Variants in ATG7 observed in about 807,000 individuals in gnomAD.
ATG7 encodes the protein ubiquitin-like modifier-activating enzyme ATG7.
ATG7 carries 70 observed loss-of-function variants against 82.4 expected under a neutral mutation model. The observed-to-expected ratio is 0.85, with a 90% confidence interval of 0.70 to 1.04. The LOEUF (loss-of-function observed/expected upper bound fraction) is 1.04, where lower values mean the gene tolerates loss of function less well. Among genes scored for constraint, ATG7 ranks in the 50% least tolerant of loss-of-function variants. ATG7 has a pLI of 0.00. For synonymous variants in ATG7, 287 were observed against 313.0 expected (o/e 0.92, Z 0.88); for missense variants, 792 against 864.3 (o/e 0.92, Z 1.05).
intron 19 of ATG7, among the ~76,000 whole-genome samples, chr3:11,393,838 A>G (rs1386255462): frequency 6.6e-6 from 1 of 152,036 alleles, no homozygotes; most frequent in Non-Finnish European, 1.5e-5. Context: ...ATGCCACCAC[A>G]CCAGGCTAAT....
Position 11,335,017 on chromosome 3 carries a change from G to A in ATG7, c.889+1924G>A, listed in dbSNP as rs965693860. On this transcript the variant is annotated intron_variant, in intron 11 of 20. Transcript: ENST00000693202. ...CTTTTCTAGAGTGCTACAGTCAGAA[G>A]GATTCAGGATTGGCCCACATGACAT... Among the ~76,000 whole-genome samples the A allele has an allele frequency of 4.6e-5, 7 of 151,366 alleles. No individual in the cohort carries two copies. The South Asian group carries it at 8.4e-4, about 18-fold the overall frequency.
intron 10 of ATG7, 34 bp from the exon 11 acceptor site, chr3:11,332,935 AAAT>A: frequency 1.4e-6 from 2 of 1,405,790 alleles, no homozygotes; most frequent in African/African-American, 1.5e-5. Context: ...CTTTAAAAAA[AAAT>A]AATAAATAAA....
chr3:11,501,245 C>A lies in ATG7; in HGVS notation c.2080-53566C>A, dbSNP rs1467989581. The stretch of plus-strand genomic sequence containing the variant: ...CTCAGCCTGGGCAACAGAGTAAGAC[C>A]CTGTCTGAAAAGAAAAGAAAATCAT... On this transcript the variant is annotated intron_variant, in intron 20 of 20. Coordinates refer to ENST00000693202, the MANE Select transcript of ATG7 (RefSeq NM_001349232.2). 3.3e-5 allele frequency among the ~76,000 whole-genome samples: 5 copies of A among 152,200 alleles called. No homozygotes were observed. In the South Asian group the frequency reaches 6.2e-4, roughly 19 times the overall value.
At chr3:11,417,420 A>G (rs1165451626) in intron 19 of ATG7, among the ~76,000 whole-genome samples, 1 of 152,196 alleles carries the variant, frequency 6.6e-6, no homozygotes, top group Non-Finnish European at 1.5e-5. Flanking sequence ...ATTATTATGT[A>G]ATGCCCTTCT....
chr3:11,420,905 G>C (rs1353253627), intron 19 of ATG7, among the ~76,000 whole-genome samples: 1 of 151,858 alleles, frequency 6.6e-6, no homozygotes, highest in Non-Finnish European at 1.5e-5. Context: ...ACAGGTGTAT[G>C]CCACCTTGTC....
chr3:11,572,535 C>T, the ATG7 span, among the ~76,000 whole-genome samples: 1 of 152,208 alleles, frequency 6.6e-6, no homozygotes, highest in African/African-American at 2.4e-5. Context: ...TCCTCAGTCC[C>T]ATTCCCCTCT....
At chr3:11,521,102 G>A (rs201284090) in intron 20 of ATG7, among the ~76,000 whole-genome samples, 3 of 152,152 alleles carry the variant, frequency 2.0e-5, no homozygotes, top group Non-Finnish European at 4.4e-5. Context: ...TGCCTGTCTC[G>A]CAGCAATGCT....
Position 11,287,675 on chromosome 3 carries a change from G to T in ATG7, c.-11+5237G>T, listed in dbSNP as rs999821264. On this transcript the variant is annotated intron_variant, in intron 3 of 20. Transcript: ENST00000693202. Reference sequence around the variant, plus strand: ...CTTCGTCTTGGCTTAATGATGCTGAGAGATGTGTGAATGTTTTGAGTAGAC... The same window carrying T: ...CTTCGTCTTGGCTTAATGATGCTGATAGATGTGTGAATGTTTTGAGTAGAC... Among the ~76,000 whole-genome samples the T allele has an allele frequency of 7.9e-5, 12 of 152,252 alleles. No individual in the cohort carries two copies. The East Asian group carries it at 2.3e-3, about 29-fold the overall frequency.
chr3:11,484,473 G>A (rs2089389600), intron 20 of ATG7, among the ~76,000 whole-genome samples: 1 of 152,182 alleles, frequency 6.6e-6, no homozygotes, highest in Admixed American at 6.5e-5. Context: ...GTCTTTTTCA[G>A]CATTTTAATC....
At chr3:11,401,293 A>C (rs1224241208) in intron 19 of ATG7, among the ~76,000 whole-genome samples, 4 of 152,160 alleles carry the variant, frequency 2.6e-5, no homozygotes, top group Admixed American at 2.6e-4. Flanking sequence ...TAGAAAGTTA[A>C]ACTTTGTTAT....
At chr3:11,442,744 A>T in intron 20 of ATG7, among the ~76,000 whole-genome samples, 1 of 129,544 alleles carries the variant, frequency 7.7e-6, no homozygotes, top group African/African-American at 3.6e-5. Flanking sequence ...CTCTACAAAA[A>T]AAAAAAAAAA....
chr3:11,414,892 G>T (rs920625962), intron 19 of ATG7, among the ~76,000 whole-genome samples: 2 of 152,184 alleles, frequency 1.3e-5, no homozygotes, highest in East Asian at 3.8e-4. Flanking sequence ...TTGTGCACCT[G>T]GGATAAATCC....
intron 3 of ATG7, among the ~76,000 whole-genome samples, chr3:11,284,891 G>A (rs1399876817): frequency 6.8e-6 from 1 of 146,722 alleles, no homozygotes; most frequent in Non-Finnish European, 1.5e-5. Flanking sequence ...CTGTCGCCCA[G>A]GCTGGAGTGC....
At chr3:11,460,594 GAACA>G (rs1404097383) in intron 20 of ATG7, among the ~76,000 whole-genome samples, 1 of 152,162 alleles carries the variant, frequency 6.6e-6, no homozygotes, top group South Asian at 2.1e-4. Flanking sequence ...TTCAAGAGGA[GAACA>G]GAATGTAGCA....
chr3:11,390,612 A>G (rs1261202781), intron 19 of ATG7, among the ~76,000 whole-genome samples: 2 of 151,256 alleles, frequency 1.3e-5, no homozygotes, highest in African/African-American at 2.4e-5. Context: ...TTACTCTCAC[A>G]GTATTTTCCT....
chr3:11,468,799 G>A (rs1055467035), intron 20 of ATG7, among the ~76,000 whole-genome samples: 2 of 152,174 alleles, frequency 1.3e-5, no homozygotes, highest in Admixed American at 6.5e-5. Context: ...AGCCAGGGAG[G>A]CTCGGTTTCA....
At chr3:11,321,564 A>T (rs1237290046) in intron 9 of ATG7, among the ~76,000 whole-genome samples, 1 of 152,140 alleles carries the variant, frequency 6.6e-6, no homozygotes, top group Non-Finnish European at 1.5e-5. Flanking sequence ...AATGTGAATG[A>T]TCTTACCTCC....
At chr3:11,393,366 G>C (rs2078968862) in intron 19 of ATG7, among the ~76,000 whole-genome samples, 1 of 143,366 alleles carries the variant, frequency 7.0e-6, no homozygotes, top group Non-Finnish European at 1.5e-5. Flanking sequence ...CCTGATTAGG[G>C]TACCTCAGAT....
intron 19 of ATG7, among the ~76,000 whole-genome samples, chr3:11,406,992 A>G (rs193217684): frequency 2.0e-3 from 312 of 152,310 alleles, no homozygotes; most frequent in African/African-American, 6.7e-3. Flanking sequence ...TGTCTTCCCA[A>G]CAGTCCCCCA....
Sources: allele counts gnomAD v4.1 joint callset (sites outside exome capture counted in the v4.1 genomes callset), GRCh38; gene constraint gnomAD v4.1.1; transcripts MANE v1.5; gene names NCBI Gene and HGNC (gene_info 2026-07-23, HGNC 2026-07-21).